RANBP2: variants seen among roughly 807,000 people sequenced by gnomAD.
RANBP2 encodes the protein E3 SUMO-protein ligase RanBP2.
RANBP2 carries 57 observed loss-of-function variants against 303.6 expected under a neutral mutation model. The ratio of observed to expected loss-of-function variants is 0.19; its 90% CI spans 0.15 to 0.23. The LOEUF is 0.23. Among genes scored for constraint, RANBP2 ranks in the 10% least tolerant of loss-of-function variants. The pLI is 1.00. For synonymous variants in RANBP2, 1,167 were observed against 1,301.5 expected (o/e 0.90, Z 2.23); for missense variants, 3,138 against 3,780.8 (o/e 0.83, Z 4.46).
chr2:108,865,552 C>T, the RANBP2 span, among the ~76,000 whole-genome samples: 1 of 152,220 alleles, frequency 6.6e-6, no homozygotes, highest in Non-Finnish European at 1.5e-5. Context: ...GGAGAAGACC[C>T]TCACCAATCA....
rs775905400 is a variant in RANBP2 at position 108,764,849 on chromosome 2, C to A, written c.4310C>A (p.Ala1437Glu). The part of the protein sequence containing the change: ...RNEPTVSRCI[A>E]CQNTKSANKS... ...GAACCTACTGTATCTAGGTGCATTG[C>A]GTGTCAGAATACAAAATCTGCTAAC... The change falls in exon 20 of 29, where the codon GCG becomes GAG. Residue 1437 changes from alanine (A) to glutamate (E), a missense_variant. Transcript: ENST00000283195. 6.2e-7 allele frequency: 1 copy of A among 1,613,926 alleles called. No individual in the cohort carries two copies. Among genetic ancestry groups the A allele is most frequent in the South Asian group, 1.1e-5 (1 of 91,072 alleles).
the RANBP2 span, among the ~76,000 whole-genome samples, chr2:109,374,498 G>A: frequency 6.6e-6 from 1 of 152,168 alleles, no homozygotes; most frequent in Non-Finnish European, 1.5e-5. Flanking sequence ...CTGGGAGGCC[G>A]CACAGGCATT....
At chr2:109,398,117 A>G in the RANBP2 span, among the ~76,000 whole-genome samples, 702 of 152,286 alleles carry the variant, frequency 4.6e-3, 3 homozygotes, top group Middle Eastern at 0.01. Context: ...CAGCCATTAG[A>G]AAGTGCATTC....
chr2:108,825,024 C>T, the RANBP2 span, among the ~76,000 whole-genome samples: 2 of 152,254 alleles, frequency 1.3e-5, no homozygotes, highest in Non-Finnish European at 2.9e-5. Context: ...ATGGAAGATA[C>T]AGTACACAGA....
At chr2:108,730,403 A>G (rs1290854752) in intron 2 of RANBP2, among the ~76,000 whole-genome samples, 1 of 151,908 alleles carries the variant, frequency 6.6e-6, no homozygotes, top group Non-Finnish European at 1.5e-5. Flanking sequence ...ATTTTGCATT[A>G]TGATAACTTT....
chr2:109,684,538 CTT>C, the RANBP2 span, among the ~76,000 whole-genome samples: 1 of 135,816 alleles, frequency 7.4e-6, no homozygotes, highest in Non-Finnish European at 1.6e-5. Flanking sequence ...TGCACCCGGG[CTT>C]TTTTTTTTTT....
At position 108,753,562 on chromosome 2, in the gene RANBP2, T is replaced by C; in HGVS notation, c.2054T>C (p.Leu685Pro). The change falls in exon 14 of 29, where the codon CTG becomes CCG. Residue 685 changes from leucine to proline, a missense_variant and splice_region_variant. Around this residue, in one of 20 missense-constraint regions of RANBP2, gnomAD observed 194 missense variants for 197.4 expected, o/e 0.98. Transcript: ENST00000283195. ...KSVVSYWNLA[L>P]IFHRKAEDIE... ...GTTGTTTCTTATTGGAATCTTGCACTGGTAAGTAGATGCAGTACTTGAGCT... is the reference window on the plus strand; with the variant it reads ...GTTGTTTCTTATTGGAATCTTGCACCGGTAAGTAGATGCAGTACTTGAGCT... 6.2e-7 allele frequency: 1 copy of C among 1,611,080 alleles called. No individual in the cohort carries two copies. Among genetic ancestry groups the C allele is most frequent in the Non-Finnish European group, 8.5e-7 (1 of 1,179,646 alleles).
At chr2:109,315,061 A>G in the RANBP2 span, among the ~76,000 whole-genome samples, 4 of 152,232 alleles carry the variant, frequency 2.6e-5, no homozygotes, top group Non-Finnish European at 4.4e-5. Context: ...GAGCCCATAC[A>G]CGACACGTTT....
At chr2:109,629,323 A>C in the RANBP2 span, among the ~76,000 whole-genome samples, 2 of 29,912 alleles carry the variant, frequency 6.7e-5, no homozygotes, top group African/African-American at 3.2e-4. Context: ...ATATATATAT[A>C]TATATATATA....
the RANBP2 span, among the ~76,000 whole-genome samples, chr2:108,922,182 G>A: frequency 1.3e-5 from 2 of 152,212 alleles, no homozygotes; most frequent in African/African-American, 4.8e-5. Context: ...CCTCTCCCAG[G>A]TTCCACAGGC....
the RANBP2 span, among the ~76,000 whole-genome samples, chr2:109,102,618 T>G: frequency 6.6e-6 from 1 of 152,142 alleles, no homozygotes; most frequent in Non-Finnish European, 1.5e-5. Flanking sequence ...TTAGGAATAA[T>G]AATATCAATG....
At chr2:108,910,704 T>C in the RANBP2 span, 1 of 1,557,222 alleles carries the variant, frequency 6.4e-7, no homozygotes, top group Non-Finnish European at 8.8e-7. Flanking sequence ...GCGAGGAGGC[T>C]GCTTCTGGGA....
the RANBP2 span, among the ~76,000 whole-genome samples, chr2:109,181,918 GTTATA>G: frequency 6.6e-6 from 1 of 152,060 alleles, no homozygotes; most frequent in South Asian, 2.1e-4. Flanking sequence ...CTTTACTGTA[GTTATA>G]TTGCCATGGC....
the RANBP2 span, among the ~76,000 whole-genome samples, chr2:109,519,450 T>C: frequency 6.6e-6 from 1 of 152,186 alleles, no homozygotes; most frequent in East Asian, 1.9e-4. Context: ...TGCCCAAACT[T>C]GTAGTTCTAG....
the RANBP2 span, among the ~76,000 whole-genome samples, chr2:108,954,446 A>G: frequency 6.6e-6 from 1 of 152,160 alleles, no homozygotes; most frequent in Non-Finnish European, 1.5e-5. Context: ...GGTGGTCTCT[A>G]TCCCATTATG....
At chr2:109,376,072 G>A in the RANBP2 span, among the ~76,000 whole-genome samples, 3 of 152,378 alleles carry the variant, frequency 2.0e-5, no homozygotes, top group African/African-American at 7.2e-5. Flanking sequence ...GGCTGGCTGG[G>A]GTAGGCAGAG....
the RANBP2 span, among the ~76,000 whole-genome samples, chr2:109,356,233 T>A: frequency 6.6e-6 from 1 of 152,158 alleles, no homozygotes; most frequent in East Asian, 1.9e-4. Context: ...TACACCAAAA[T>A]GACTGCCAAC....
intron 7 of RANBP2, among the ~76,000 whole-genome samples, chr2:108,745,949 C>T (rs1181983350): frequency 1.3e-5 from 2 of 150,960 alleles, no homozygotes; most frequent in Non-Finnish European, 2.9e-5. Flanking sequence ...CTCTGTCGCC[C>T]AAGCTGGAGC....
chr2:109,059,008 G>C, the RANBP2 span, among the ~76,000 whole-genome samples: 4 of 152,168 alleles, frequency 2.6e-5, no homozygotes, highest in Non-Finnish European at 5.9e-5. Flanking sequence ...CAGAGATATG[G>C]GGCATAGTGG....
Sources: gnomAD v4.1 joint callset for allele counts (sites outside exome capture counted in the v4.1 genomes callset) on GRCh38, gnomAD v4.1.1 for gene constraint, gnomAD v4.1.1 regional missense constraint, MANE v1.5 for transcripts, NCBI Gene and HGNC (gene_info 2026-07-23, HGNC 2026-07-21) for gene names.